The following UNC13C variants were observed in gnomAD, a reference collection of about 807,000 sequenced individuals.
The protein encoded by UNC13C is protein unc-13 homolog C.
UNC13C carries 174 observed loss-of-function variants against 245.4 expected under a neutral mutation model. The ratio of observed to expected loss-of-function variants is 0.71; its 90% CI spans 0.63 to 0.80. The LOEUF is 0.80. Among genes scored for constraint, UNC13C ranks in the 30% least tolerant of loss-of-function variants. The pLI is 0.00. For synonymous variants in UNC13C, 992 were observed against 895.1 expected, an observed-to-expected ratio of 1.11 and a Z score of -1.93; for missense variants, 2,829 against 2,602.9, an observed-to-expected ratio of 1.09 and a Z score of -1.89.
chr15:54,324,893 A>G (rs1312965501), intron 14 of UNC13C, among the ~76,000 whole-genome samples: 2 of 152,082 alleles, frequency 1.3e-5, no homozygotes, highest in Non-Finnish European at 2.9e-5. Flanking sequence ...GGCCACATGC[A>G]GCCCAGAGTG....
chr15:54,169,680 G>A (rs2033313397), intron 4 of UNC13C, among the ~76,000 whole-genome samples: 1 of 152,038 alleles, frequency 6.6e-6, no homozygotes, highest in African/African-American at 2.4e-5. Flanking sequence ...GCCCTTTCCA[G>A]CCCTAGGGCT....
At chr15:54,248,310 C>T (rs2036050002) in intron 7 of UNC13C, among the ~76,000 whole-genome samples, 1 of 152,056 alleles carries the variant, frequency 6.6e-6, no homozygotes, top group African/African-American at 2.4e-5. Context: ...ACCACAAATG[C>T]TACATTACGC....
rs1224320151 is a variant in UNC13C, at chr15:54,215,700, G to A, written c.3072-19330G>A. ...TTACCAGAGTTCATGAAGTGGCATGGAGGGATTGAGAAAAATAGTGGTGAA... is the reference window on the plus strand; with the variant it reads ...TTACCAGAGTTCATGAAGTGGCATGAAGGGATTGAGAAAAATAGTGGTGAA... On this transcript the variant is annotated intron_variant, in intron 4 of 32. Coordinates refer to ENST00000260323, the MANE Select transcript of UNC13C (RefSeq NM_001080534.3). 2.6e-5 allele frequency among the ~76,000 whole-genome samples: 4 copies of A among 151,910 alleles called. No homozygotes were observed. In the East Asian group the frequency reaches 7.7e-4, roughly 29 times the overall value.
Position 54,060,904 on chromosome 15 carries a change from G to T in UNC13C, c.2983+45018G>T, listed in dbSNP as rs1243978786. On this transcript the variant is annotated intron_variant, in intron 2 of 32. Transcript: ENST00000260323. ...AACACCGCAGTTCTCACTCATAGGT[G>T]GGAATTGATCAAAGAGAACACATGG... Among the ~76,000 whole-genome samples, 3 of 152,068 alleles carry T rather than the reference G, an allele frequency of 2.0e-5. No individual in the cohort carries two copies. In the East Asian group the frequency reaches 5.8e-4, roughly 29 times the overall value.
rs180795221 is a variant in UNC13C at position 54,206,628 on chromosome 15, A to G, written c.3072-28402A>G. Among the ~76,000 whole-genome samples the G allele has an allele frequency of 4.6e-5, 7 of 152,216 alleles. No individual in the cohort carries two copies. The East Asian group carries it at 1.4e-3, about 29-fold the overall frequency. On this transcript the variant is annotated intron_variant, in intron 4 of 32. Transcript: ENST00000260323. Reference sequence around the variant, plus strand: ...CTGGGCAGTAAACTAGGATCAGGTGAAGGAAATATCTGAAGGATATAGCTC... The same window carrying G: ...CTGGGCAGTAAACTAGGATCAGGTGGAGGAAATATCTGAAGGATATAGCTC...
chr15:54,526,920 T>G (rs1280400950), intron 25 of UNC13C, among the ~76,000 whole-genome samples: 1 of 152,260 alleles, frequency 6.6e-6, no homozygotes, highest in African/African-American at 2.4e-5. Context: ...ATTTTTCTTC[T>G]TAGATGTAGG....
chr15:53,905,368 A>T, the UNC13C span, among the ~76,000 whole-genome samples: 1 of 149,146 alleles, frequency 6.7e-6, no homozygotes, highest in Non-Finnish European at 1.5e-5. Flanking sequence ...ATATTACATC[A>T]TATATATTAC....
At chr15:53,976,475 CTCTTTT>C (rs1384349880), upstream of UNC13C, among the ~76,000 whole-genome samples, 1 of 63,734 alleles carries the variant, frequency 1.6e-5, no homozygotes, top group South Asian at 8.1e-4. Context: ...CTCTCTCTCT[CTCTTTT>C]TTTTTTTTTT....
intron 10 of UNC13C, among the ~76,000 whole-genome samples, chr15:54,274,028 C>T (rs565409390): frequency 6.6e-6 from 1 of 152,220 alleles, no homozygotes; most frequent in East Asian, 1.9e-4. Flanking sequence ...CACAGTGTTA[C>T]AGACACTGAG....
intron 19 of UNC13C, among the ~76,000 whole-genome samples, chr15:54,478,761 G>T (rs1892922993): frequency 6.6e-6 from 1 of 151,814 alleles, no homozygotes; most frequent in Non-Finnish European, 1.5e-5. Context: ...TAGGTGTGGT[G>T]TGGTGCTGAA....
At chr15:53,889,602 G>C in the UNC13C span, among the ~76,000 whole-genome samples, 24,520 of 152,120 alleles carry the variant, frequency 0.16, 2,075 homozygotes, top group South Asian at 0.19. Flanking sequence ...GAATAGGAGT[G>C]GTGAGAGAGG....
intron 11 of UNC13C, among the ~76,000 whole-genome samples, chr15:54,295,875 T>A (rs1392922632): frequency 6.6e-6 from 1 of 152,198 alleles, no homozygotes; most frequent in Non-Finnish European, 1.5e-5. Flanking sequence ...ATTGCTGATG[T>A]TTAACCTTTG....
chr15:54,280,330 G>A (rs948540750), intron 10 of UNC13C, among the ~76,000 whole-genome samples: 27 of 151,754 alleles, frequency 1.8e-4, no homozygotes, highest in African/African-American at 6.0e-4. Context: ...TAAGTTAAAG[G>A]GGTAAATGAT....
the UNC13C span, among the ~76,000 whole-genome samples, chr15:53,840,838 C>T: frequency 1.2e-4 from 19 of 152,152 alleles, no homozygotes; most frequent in Admixed American, 3.9e-4. Flanking sequence ...ATAGCATGTA[C>T]GCCATGGCCT....
At chr15:54,422,649 T>G (rs1225245054) in intron 19 of UNC13C, among the ~76,000 whole-genome samples, 2 of 151,918 alleles carry the variant, frequency 1.3e-5, no homozygotes, top group Admixed American at 6.6e-5. Flanking sequence ...TTGCTTGCTT[T>G]TCTGCCTATG....
intron 8 of UNC13C, among the ~76,000 whole-genome samples, chr15:54,260,138 G>T (rs1424314168): frequency 6.6e-6 from 1 of 152,036 alleles, no homozygotes; most frequent in Non-Finnish European, 1.5e-5. Flanking sequence ...AATAAAATTT[G>T]GGCCTTAAGA....
At chr15:54,608,905 A>G (rs1343677266) in intron 30 of UNC13C, among the ~76,000 whole-genome samples, 1 of 152,206 alleles carries the variant, frequency 6.6e-6, no homozygotes, top group Non-Finnish European at 1.5e-5. Flanking sequence ...GCAGTACATT[A>G]CCACCCTCTT....
intron 2 of UNC13C, among the ~76,000 whole-genome samples, chr15:54,085,937 T>G (rs1173105706): frequency 6.6e-6 from 1 of 152,210 alleles, no homozygotes; most frequent in Non-Finnish European, 1.5e-5. Flanking sequence ...GGCCCCTCCT[T>G]TTATTTTAGT....
chr15:54,468,932 T>G lies in UNC13C; in HGVS notation c.4934-25676T>G, dbSNP rs774059239. Among the ~76,000 whole-genome samples the G allele has an allele frequency of 1.9e-4, 29 of 151,648 alleles. 1 individual carries two copies. Among genetic ancestry groups the G allele is most frequent in the Admixed American group, 1.1e-3 (16 of 15,200 alleles). ...TTGGCTATTTCAAGACTTTTGTGAT[T>G]CCTTACAAATTTTAGGATTGTTTTC... is the stretch of plus-strand genomic sequence containing the variant. On this transcript the variant is annotated intron_variant, in intron 19 of 32. Transcript: ENST00000260323.
Sources: gnomAD v4.1 joint callset for allele counts (sites outside exome capture counted in the v4.1 genomes callset) on GRCh38, gnomAD v4.1.1 for gene constraint, MANE v1.5 for transcripts, NCBI Gene and HGNC (gene_info 2026-07-23, HGNC 2026-07-21) for gene names.